CTSW: variants seen among roughly 807,000 people sequenced by gnomAD.
The protein encoded by CTSW is lymphopain.
Under a neutral mutation model 43.8 loss-of-function variants are expected in CTSW, and 42 were observed. That is an observed-to-expected ratio of 0.96 (90% CI 0.75 to 1.24). CTSW has a LOEUF of 1.24. Ranked by LOEUF, CTSW falls within the 50% of genes most tolerant of loss-of-function variation. The pLI is 0.00. For synonymous variants in CTSW, 191 were observed against 184.8 expected (o/e 1.03, Z -0.27); for missense variants, 475 against 479.9 (o/e 0.99, Z 0.09).
chr11:65,880,122 T>A (rs1860087492), intron 1 of CTSW, 80 bp from the exon 2 acceptor site: 1 of 1,369,976 alleles, frequency 7.3e-7, no homozygotes, highest in South Asian at 1.2e-5. Flanking sequence ...GCCCAGTCCT[T>A]GCACGGCTGG....
At chr11:65,881,365 A>C in intron 2 of CTSW, 42 bp from the exon 3 acceptor site, 1 of 1,436,178 alleles carries the variant, frequency 7.0e-7, no homozygotes, top group Non-Finnish European at 9.5e-7. Context: ...CCTGCCCCTA[A>C]GGGCTTGGGA....
intron 3 of CTSW, 66 bp from the exon 4 acceptor site, chr11:65,882,109 G>A: frequency 2.5e-6 from 4 of 1,574,260 alleles, no homozygotes; most frequent in East Asian, 2.2e-5. Context: ...AACAGCTGGA[G>A]TGGGAGAGGC....
rs1312113372 is a variant in CTSW at position 65,882,959 on chromosome 11, G to A, written c.745+55G>A. Reference sequence around the variant, plus strand: ...GGCAGGGACAGACACCGGGGCAGAGGCAGACACGCTGGGCTACTGGGCTAG... The same window carrying A: ...GGCAGGGACAGACACCGGGGCAGAGACAGACACGCTGGGCTACTGGGCTAG... On this transcript the variant is annotated intron_variant, in intron 7 of 9. Coordinates refer to ENST00000307886, the MANE Select transcript of CTSW (RefSeq NM_001335.4). 3.1e-6 allele frequency: 5 copies of A among 1,612,356 alleles called. No individual in the cohort carries two copies. In the South Asian group the frequency reaches 3.3e-5, roughly 11 times the overall value.
chr11:65,879,837 A>G lies in CTSW; in HGVS notation c.-18A>G. ...CTGCGCGGCTTCCTGCCTCCATGCC[A>G]CTCCAGACTGCACCGGCATGGCACT... is the stretch of plus-strand genomic sequence containing the variant. On this transcript the variant is annotated 5_prime_UTR_variant, in exon 1 of 10. Transcript: ENST00000307886. The G allele has an allele frequency of 6.2e-7, 1 of 1,610,622 alleles. No individual in the cohort carries two copies. Among genetic ancestry groups the G allele is most frequent in the Non-Finnish European group, 8.5e-7 (1 of 1,177,878 alleles).
chr11:65,879,990 C>T, intron 1 of CTSW, 49 bp downstream of exon 1: 1 of 1,506,878 alleles, frequency 6.6e-7, no homozygotes, highest in Admixed American at 1.8e-5. Flanking sequence ...CCTGGGGTCA[C>T]CCCTTCAGAA....
At chr11:65,882,994 G>T in intron 7 of CTSW, 75 bp from the exon 8 acceptor site, 1 of 1,612,254 alleles carries the variant, frequency 6.2e-7, no homozygotes, top group East Asian at 2.2e-5. Flanking sequence ...GAAGACAAGA[G>T]GGGGTGGGGG....
rs892802956 is a variant in CTSW, at chr11:65,883,714, G to A, written c.*96G>A. On this transcript the variant is annotated 3_prime_UTR_variant, in exon 10 of 10. Transcript: ENST00000307886. ...TGCCCATCCTCCCAATCTCAATACA[G>A]CCTGAATAAACCAAGACAAGACCTC... is the stretch of plus-strand genomic sequence containing the variant. 8 of 1,138,446 alleles carry A rather than the reference G, an allele frequency of 7.0e-6. No homozygotes were observed. Among genetic ancestry groups the A allele is most frequent in the Non-Finnish European group, 9.1e-6 (7 of 772,842 alleles). The allele number at this position is 1,138,446 out of a possible 1,614,324, so 70.5% of individuals were successfully genotyped here.
At position 65,879,956 on chromosome 11, in the gene CTSW, A is replaced by G. The variant is rs1860085259; in HGVS notation, c.87+15A>G. On this transcript the variant is annotated intron_variant, in intron 1 of 9. Coordinates refer to ENST00000307886, the MANE Select transcript of CTSW (RefSeq NM_001335.4). Reference sequence around the variant, plus strand: ...TTAGGGCCCAGGTAAGTGCTCCCAAACCCTTACCTATGCCAGTCCCACGCC... The same window carrying G: ...TTAGGGCCCAGGTAAGTGCTCCCAAGCCCTTACCTATGCCAGTCCCACGCC... 1 of 1,602,216 alleles carries G rather than the reference A, an allele frequency of 6.2e-7. No homozygotes were observed. The highest frequency in any genetic ancestry group is 8.5e-7 in the Non-Finnish European group (1 of 1,172,186).
chr11:65,882,520 G>A lies in CTSW; in HGVS notation c.532G>A (p.Val178Met), dbSNP rs140048610. 66 of 1,614,206 alleles carry A rather than the reference G, an allele frequency of 4.1e-5. No homozygotes were observed. The highest frequency in any genetic ancestry group is 4.9e-5 in the Non-Finnish European group (58 of 1,180,024). ...TTTCTGGGATTTTGTGGATGTCTCC[G>A]TGCAGGGTAGGGTTGGGAGAGGGTG... ...ISFWDFVDVS[V>M]QELLDCGRCG... Residue 178 changes from valine to methionine, a missense_variant, in exon 5 of 10, where the codon GTG becomes ATG. Transcript: ENST00000307886.
chr11:65,880,214 C>T lies in CTSW; in HGVS notation c.100C>T (p.Gln34Ter), dbSNP rs373360066. 2.5e-6 allele frequency: 4 copies of T among 1,614,034 alleles called. No individual in the cohort carries two copies. The highest frequency in any genetic ancestry group is 3.4e-6 in the Non-Finnish European group (4 of 1,180,002). Reference protein sequence around the residue: ...GPLRAQDLGPQPLELKEAFKL... With the variant: ...GPLRAQDLGP ...GGTTCCTTGCCAGGACCTAGGTCCC[C>T]AGCCGCTAGAGCTGAAAGAGGCCTT... The change falls in exon 2 of 10, where the codon CAG (glutamine) becomes TAG (stop). Residue 34 changes from glutamine (Q) to a stop codon, truncating the protein, a stop_gained. Coordinates refer to ENST00000307886, the MANE Select transcript of CTSW (RefSeq NM_001335.4). LOFTEE classifies it high-confidence loss of function.
At chr11:65,881,584 A>G (rs1373726249) in intron 3 of CTSW, 64 bp downstream of exon 3, 3 of 1,123,640 alleles carry the variant, frequency 2.7e-6, no homozygotes, top group Non-Finnish European at 1.3e-6. Context: ...GGACACTGGC[A>G]GCTGGACCCA....
chr11:65,882,029 G>A, intron 3 of CTSW, 146 bp from the exon 4 acceptor site: 1 of 901,656 alleles, frequency 1.1e-6, no homozygotes, highest in Non-Finnish European at 1.6e-6. Flanking sequence ...CCAAAGTGCT[G>A]GGATTATAGG....
chr11:65,882,222 G>C lies in CTSW; in HGVS notation c.334G>C (p.Val112Leu), dbSNP rs1424530931. The C allele has an allele frequency of 6.2e-7, 1 of 1,614,196 alleles. No individual in the cohort carries two copies. Residue 112 changes from valine to leucine, a missense_variant, in exon 4 of 10, where the codon GTC becomes CTC. Physicochemically the swap from Val to Leu is conservative, Grantham distance 32 (BLOSUM62 1). Coordinates refer to ENST00000307886, the MANE Select transcript of CTSW (RefSeq NM_001335.4). ...TGGCTATCGGAGGGCAGCTGGAGGG[G>C]TCCCCAGCATGGGCAGAGAAATAAG... ...LYGYRRAAGG[V>L]PSMGREIRSE...
intron 2 of CTSW, among the ~76,000 whole-genome samples, chr11:65,880,956 T>A (rs1342434026): frequency 6.6e-6 from 1 of 152,170 alleles, no homozygotes; most frequent in Non-Finnish European, 1.5e-5. Context: ...GCCCATGATC[T>A]AACCCCTGCC....
chr11:65,883,259 C>A lies in CTSW; in HGVS notation c.855C>A (p.Asp285Glu), dbSNP rs770003321. 7.4e-6 allele frequency: 12 copies of A among 1,613,964 alleles called. No homozygotes were observed. The highest frequency in any genetic ancestry group is 1.0e-5 in the Non-Finnish European group (12 of 1,179,944). The change falls in exon 9 of 10, where the codon GAC becomes GAA. Residue 285 changes from aspartate (D) to glutamate (E), a missense_variant. Physicochemically the swap from Asp to Glu is conservative, Grantham distance 45 (BLOSUM62 2). Coordinates refer to ENST00000307886, the MANE Select transcript of CTSW (RefSeq NM_001335.4). ...GVIKATPTTC[D>E]PQLVDHSVLL... ...TCAAGGCCACACCCACCACCTGTGA[C>A]CCCCAGCTTGTGGACCACTCTGTCC...
At chr11:65,881,971 A>T (rs187251673) in intron 3 of CTSW, among the ~76,000 whole-genome samples, 185 of 152,150 alleles carry the variant, frequency 1.2e-3, no homozygotes, top group African/African-American at 4.2e-3. Context: ...TTTTGTGGAG[A>T]TGGGGTCTCG....
chr11:65,880,325 CTTT>C (rs201535604), intron 2 of CTSW, 39 bp downstream of exon 2: 76 of 1,316,502 alleles, frequency 5.8e-5, no homozygotes, highest in Admixed American at 1.3e-4. Flanking sequence ...CAAGCCCCCA[CTTT>C]TTTTTTTTTT....
At chr11:65,882,576 C>T (rs1475032497) in intron 5 of CTSW, 33 bp from the exon 6 acceptor site, 1 of 1,614,114 alleles carries the variant, frequency 6.2e-7, no homozygotes, top group Non-Finnish European at 8.5e-7. Flanking sequence ...GGCCTAGGGG[C>T]CTGGTCACCC....
Position 65,880,424 on chromosome 11 carries a change from C to T in CTSW, c.172+138C>T. On this transcript the variant is annotated intron_variant, in intron 2 of 9. Transcript: ENST00000307886. ...GCAACCTCCACCTCCCGGGTTCAAG[C>T]GATTCTCCTGCTTCAGCCTCTGAGT... 6.6e-6 allele frequency: 4 copies of T among 601,770 alleles called. No individual in the cohort carries two copies. The South Asian group carries it at 7.5e-5, about 11-fold the overall frequency. 37.3% of individuals were successfully genotyped at this position (601,770 alleles called of 1,614,324 possible). A position where few individuals can be genotyped will look rare whatever the true frequency, so the allele number is the denominator to read the frequency against.
Sources: allele counts gnomAD v4.1 joint callset (sites outside exome capture counted in the v4.1 genomes callset), GRCh38; gene constraint gnomAD v4.1.1; transcripts MANE v1.5; gene names NCBI Gene and HGNC (gene_info 2026-07-23, HGNC 2026-07-21).